Variants in PDK1 observed in about 807,000 individuals in gnomAD.
PDK1 encodes the protein pyruvate dehydrogenase kinase 1, also known as [Pyruvate dehydrogenase (acetyl-transferring)] kinase isozyme 1, mitochondrial.
PDK1 carries 39 observed loss-of-function variants against 54.2 expected under a neutral mutation model. The ratio of observed to expected loss-of-function variants is 0.72; its 90% CI spans 0.56 to 0.94. The LOEUF is 0.94. Ranked by LOEUF, PDK1 falls within the 40% of genes least tolerant of loss-of-function variation. PDK1 has a pLI of 0.00. For synonymous variants in PDK1, 221 were observed against 207.1 expected, an observed-to-expected ratio of 1.07 and a Z score of -0.58; for missense variants, 552 against 566.0, an observed-to-expected ratio of 0.98 and a Z score of 0.25.
intron 10 of PDK1, among the ~76,000 whole-genome samples, chr2:172,593,897 G>A (rs191056678): frequency 9.9e-5 from 15 of 152,152 alleles, no homozygotes; most frequent in Admixed American, 9.8e-4. Flanking sequence ...CCACTAGATG[G>A]CATCTATTTT....
the PDK1 span, among the ~76,000 whole-genome samples, chr2:172,621,790 GTATGA>G: frequency 3.0e-5 from 3 of 101,446 alleles, no homozygotes; most frequent in Non-Finnish European, 6.0e-5. Context: ...TATCTCATAT[GTATGA>G]TATATGTTTA....
At chr2:172,701,595 C>T in the PDK1 span, among the ~76,000 whole-genome samples, 1 of 146,988 alleles carries the variant, frequency 6.8e-6, no homozygotes, top group African/African-American at 2.5e-5. Context: ...TTTTCAGAGT[C>T]TGTGAGTCCA....
the PDK1 span, among the ~76,000 whole-genome samples, chr2:172,666,771 G>C: frequency 6.6e-6 from 1 of 152,078 alleles, no homozygotes; most frequent in Non-Finnish European, 1.5e-5. Context: ...ACTGAAACTA[G>C]GGGCAAGAGA....
the PDK1 span, among the ~76,000 whole-genome samples, chr2:172,698,806 G>A: frequency 6.6e-6 from 1 of 152,180 alleles, no homozygotes; most frequent in African/African-American, 2.4e-5. Context: ...CATGCCCAGG[G>A]CCTCCCAAGA....
the PDK1 span, among the ~76,000 whole-genome samples, chr2:172,666,607 GC>G: frequency 6.6e-6 from 1 of 152,162 alleles, no homozygotes; most frequent in African/African-American, 2.4e-5. Context: ...AGCTGGAGTG[GC>G]AGGGTGACTA....
At chr2:172,706,918 A>T in the PDK1 span, among the ~76,000 whole-genome samples, 2 of 152,020 alleles carry the variant, frequency 1.3e-5, no homozygotes, top group Non-Finnish European at 2.9e-5. Context: ...ATCCAGGGGG[A>T]GGGTCTCCTT....
chr2:172,679,770 C>T, the PDK1 span, among the ~76,000 whole-genome samples: 2 of 151,840 alleles, frequency 1.3e-5, no homozygotes, highest in African/African-American at 4.8e-5. Context: ...AGAATGGAAG[C>T]AAAACAGAAA....
chr2:172,638,189 G>A, the PDK1 span, among the ~76,000 whole-genome samples: 1 of 152,104 alleles, frequency 6.6e-6, no homozygotes, highest in Non-Finnish European at 1.5e-5. Flanking sequence ...CTGCTGCCAT[G>A]GTCAGAGATG....
the PDK1 span, among the ~76,000 whole-genome samples, chr2:172,695,711 T>C: frequency 6.6e-6 from 1 of 152,166 alleles, no homozygotes; most frequent in Non-Finnish European, 1.5e-5. Context: ...GAATTGCTTA[T>C]GTTGGGAAAA....
At chr2:172,590,440 G>T (rs575989625) in intron 9 of PDK1, among the ~76,000 whole-genome samples, 1 of 152,136 alleles carries the variant, frequency 6.6e-6, no homozygotes, top group African/African-American at 2.4e-5. Context: ...TTCTTCGGTG[G>T]GTTTGTGGTC....
chr2:172,674,637 A>G, the PDK1 span: 1 of 152,312 alleles, frequency 6.6e-6, no homozygotes, highest in Non-Finnish European at 1.5e-5. Context: ...TTTCCATCAG[A>G]ACTTCCCGAT....
At chr2:172,717,538 A>G in the PDK1 span, among the ~76,000 whole-genome samples, 8 of 152,178 alleles carry the variant, frequency 5.3e-5, no homozygotes, top group Admixed American at 6.5e-5. Flanking sequence ...TGTTACTAAA[A>G]TACCTGATTA....
chr2:172,630,498 TTCA>T, the PDK1 span, among the ~76,000 whole-genome samples: 1 of 152,172 alleles, frequency 6.6e-6, no homozygotes, highest in Non-Finnish European at 1.5e-5. Context: ...CAGAAAACAT[TTCA>T]TCATCACAGA....
At chr2:172,660,179 AG>A in the PDK1 span, among the ~76,000 whole-genome samples, 2 of 146,814 alleles carry the variant, frequency 1.4e-5, no homozygotes, top group Non-Finnish European at 3.0e-5. Flanking sequence ...AACAGATTAA[AG>A]GGGATGGTTT....
chr2:172,632,763 C>T, the PDK1 span, among the ~76,000 whole-genome samples: 11 of 151,696 alleles, frequency 7.3e-5, no homozygotes, highest in Non-Finnish European at 1.5e-4. Context: ...GGGCAGATCA[C>T]AAGGTTAGGA....
the PDK1 span, among the ~76,000 whole-genome samples, chr2:172,621,122 A>G: frequency 6.6e-6 from 1 of 152,178 alleles, no homozygotes. Flanking sequence ...TCTACTAAAA[A>G]TATAGAAATT....
At chr2:172,704,848 G>C in the PDK1 span, among the ~76,000 whole-genome samples, 3 of 152,164 alleles carry the variant, frequency 2.0e-5, no homozygotes, top group Non-Finnish European at 4.4e-5. Flanking sequence ...GGAAGTTCTA[G>C]AAACTTTTCC....
downstream of PDK1, among the ~76,000 whole-genome samples, chr2:172,613,376 A>G (rs1223376011): frequency 1.3e-5 from 2 of 152,254 alleles, no homozygotes; most frequent in African/African-American, 2.4e-5. Flanking sequence ...GAAATTGAGC[A>G]GTACGCTCCA....
the PDK1 span, among the ~76,000 whole-genome samples, chr2:172,696,187 A>AG: frequency 1.4e-4 from 21 of 150,986 alleles, no homozygotes; most frequent in Non-Finnish European, 1.2e-4. Context: ...AAAAAAAAAA[A>AG]AGAAAAAAAA....
Sources: allele counts gnomAD v4.1 joint callset (sites outside exome capture counted in the v4.1 genomes callset), GRCh38; gene constraint gnomAD v4.1.1; transcripts MANE v1.5; gene names NCBI Gene and HGNC (gene_info 2026-07-23, HGNC 2026-07-21).